The following GABRR1 variants were observed in gnomAD, a reference collection of about 807,000 sequenced individuals.
GABRR1 encodes gamma-aminobutyric acid receptor subunit rho-1.
In GABRR1, 59 loss-of-function variants were observed where a neutral mutation model predicts 55.5. The observed-to-expected ratio is 1.06, with a 90% CI of 0.86 to 1.32. GABRR1 has a LOEUF of 1.32. GABRR1 is among the 40% of genes most tolerant of loss of function. The pLI, the probability that GABRR1 is intolerant of heterozygous loss-of-function variation, is 0.00. For missense variants in GABRR1, 602 were observed against 619.1 expected, an observed-to-expected ratio of 0.97 and a Z score of 0.29; for synonymous variants, 213 against 226.0, an observed-to-expected ratio of 0.94 and a Z score of 0.51.
At chr6:89,224,128 C>T (rs777972460) in intron 1 of GABRR1, among the ~76,000 whole-genome samples, 18 of 151,718 alleles carry the variant, frequency 1.2e-4, no homozygotes, top group Non-Finnish European at 1.9e-4. Context: ...CTTACTCTGT[C>T]GCACAGGCTG....
chr6:89,201,501 C>T lies in GABRR1; in HGVS notation c.174-236G>A, dbSNP rs139556236. ...GCTTTAAAAATACTGATGCCTGGGC[C>T]GGGTGCGGTGGCTCACGCCTGCAAT... On this transcript the variant is annotated intron_variant, in intron 2 of 9. Transcript: ENST00000454853. Among the ~76,000 whole-genome samples, 1,164 of 152,282 alleles carry T rather than the reference C, an allele frequency of 7.6e-3. 5 individuals are homozygous for T. Among genetic ancestry groups the T allele is most frequent in the Non-Finnish European group, 9.0e-3 (615 of 68,022 alleles).
In GABRR1 at chr6:89,184,392, G is replaced by C. The variant is rs189860619; in HGVS notation, c.796+918C>G. ...GCTATTTAGCGCAGGCAAGCTCCCA[G>C]GAGAAAGGTCACAGAGCATGCCCCC... On this transcript the variant is annotated intron_variant, in intron 7 of 9. Transcript: ENST00000454853. Among the ~76,000 whole-genome samples, 154 of 149,360 alleles carry C rather than the reference G, an allele frequency of 1.0e-3. 1 individual carries two copies. Among genetic ancestry groups the C allele is most frequent in the African/African-American group, 3.8e-3 (153 of 40,568 alleles).
upstream of GABRR1, among the ~76,000 whole-genome samples, chr6:89,220,963 G>A (rs1431244378): frequency 1.3e-5 from 2 of 151,968 alleles, no homozygotes; most frequent in African/African-American, 2.4e-5. Flanking sequence ...CAGGTGATCC[G>A]CCTACCTCAG....
At chr6:89,230,925 C>T (rs541691937) in intron 1 of GABRR1, among the ~76,000 whole-genome samples, 9 of 151,122 alleles carry the variant, frequency 6.0e-5, no homozygotes, top group South Asian at 2.1e-4. Flanking sequence ...ATTCCATGGG[C>T]GTAGGACCCT....
intron 5 of GABRR1, among the ~76,000 whole-genome samples, chr6:89,193,370 G>A (rs1261756619): frequency 6.6e-6 from 1 of 151,946 alleles, no homozygotes; most frequent in Non-Finnish European, 1.5e-5. Context: ...CAAAGCGGTG[G>A]TCTTCAGAAA....
chr6:89,202,327 T>C (rs987599525), intron 2 of GABRR1, among the ~76,000 whole-genome samples: 3 of 152,146 alleles, frequency 2.0e-5, no homozygotes, highest in African/African-American at 7.2e-5. Flanking sequence ...AGTCTCACTG[T>C]GTCACCCAGG....
At chr6:89,213,574 A>G (rs1772892021) in intron 1 of GABRR1, among the ~76,000 whole-genome samples, 1 of 152,246 alleles carries the variant, frequency 6.6e-6, no homozygotes, top group Non-Finnish European at 1.5e-5. Context: ...TGTAATAACA[A>G]AGAGGAAGCA....
Position 89,198,070 on chromosome 6 carries a change from G to A in GABRR1, c.522C>T (p.Asp174=). The change falls in exon 5 of 10, where the codon GAC becomes GAT. Residue 174 remains aspartate (D), a synonymous_variant. Transcript: ENST00000454853. ...CAGGCTGGACCCGCAACATGACGTT[G>A]TCTGTGGTGGTGTCGTGGATGAAGG... ...KRSFIHDTTT[D]NVMLRVQPDG... is the part of the protein sequence containing the mutation. 1 of 1,614,144 alleles carries A rather than the reference G, an allele frequency of 6.2e-7. No individual in the cohort carries two copies. Among genetic ancestry groups the A allele is most frequent in the South Asian group, 1.1e-5 (1 of 91,078 alleles).
chr6:89,225,086 C>T (rs191257943), intron 1 of GABRR1, among the ~76,000 whole-genome samples: 2 of 152,226 alleles, frequency 1.3e-5, no homozygotes, highest in Admixed American at 1.3e-4. Flanking sequence ...CAGCCATCTT[C>T]TAGAATTTTT....
intron 3 of GABRR1, among the ~76,000 whole-genome samples, chr6:89,200,584 A>T (rs1438082900): frequency 2.7e-5 from 4 of 150,684 alleles, no homozygotes; most frequent in Non-Finnish European, 5.9e-5. Context: ...TAAAATGAGT[A>T]TTTTTTTTTC....
At chr6:89,184,374 A>G (rs1057450718) in intron 7 of GABRR1, among the ~76,000 whole-genome samples, 4 of 151,368 alleles carry the variant, frequency 2.6e-5, no homozygotes, top group Admixed American at 6.6e-5. Flanking sequence ...TCAGCTATTT[A>G]GCGCAGGCAA....
upstream of GABRR1, among the ~76,000 whole-genome samples, chr6:89,221,010 G>C (rs575047379): frequency 1.3e-5 from 2 of 152,160 alleles, no homozygotes; most frequent in Admixed American, 6.5e-5. Context: ...ATGAGCCACC[G>C]CGCCTGGCCA....
chr6:89,203,232 A>C (rs1582396372), intron 2 of GABRR1, among the ~76,000 whole-genome samples: 1 of 152,248 alleles, frequency 6.6e-6, no homozygotes, highest in East Asian at 1.9e-4. Flanking sequence ...TGCCGCGGAC[A>C]TCCTCTCTCA....
intron 1 of GABRR1, among the ~76,000 whole-genome samples, chr6:89,209,179 C>CT (rs1266709469): frequency 1.3e-5 from 2 of 151,524 alleles, no homozygotes; most frequent in Admixed American, 6.6e-5. Context: ...TAGATCATCC[C>CT]TTTTTTTTCC....
chr6:89,180,603 C>T, intron 8 of GABRR1, 115 bp from the exon 9 acceptor site: 4 of 1,254,306 alleles, frequency 3.2e-6, no homozygotes, highest in Non-Finnish European at 4.4e-6. Flanking sequence ...TGTCTCCATC[C>T]CTGCTCCACT....
chr6:89,210,631 G>A (rs1264148570), intron 1 of GABRR1, among the ~76,000 whole-genome samples: 1 of 152,156 alleles, frequency 6.6e-6, no homozygotes, highest in Non-Finnish European at 1.5e-5. Context: ...TGGGCACAGT[G>A]CCTGGAGTAT....
chr6:89,216,550 C>A (rs1320252290), intron 1 of GABRR1, among the ~76,000 whole-genome samples: 1 of 152,060 alleles, frequency 6.6e-6, no homozygotes, highest in Non-Finnish European at 1.5e-5. Flanking sequence ...CAGGTGAGGC[C>A]GAGTGCTAAG....
intron 5 of GABRR1, among the ~76,000 whole-genome samples, chr6:89,190,898 C>T (rs1213154413): frequency 6.6e-6 from 1 of 152,126 alleles, no homozygotes; most frequent in Non-Finnish European, 1.5e-5. Flanking sequence ...AAGAGGCTTC[C>T]GCATCAAAAG....
At position 89,178,003 on chromosome 6, in the gene GABRR1, T is replaced by A. The variant is rs1771595614; in HGVS notation, c.*767A>T. ...GGACATGCTCCAAGAAGAAGAAACA[T>A]GAAGTGGTGATTATATAAAATAGGG... is the stretch of plus-strand genomic sequence containing the variant. On this transcript the variant is annotated 3_prime_UTR_variant, in exon 10 of 10. Coordinates refer to ENST00000454853, the MANE Select transcript of GABRR1 (RefSeq NM_002042.5). 6.6e-6 allele frequency: 1 copy of A among 152,084 alleles called. No homozygotes were observed. Among genetic ancestry groups the A allele is most frequent in the South Asian group, 2.1e-4 (1 of 4,820 alleles). 9.4% of individuals were successfully genotyped at this position (152,084 alleles called of 1,614,324 possible).
Sources: allele counts gnomAD v4.1 joint callset (sites outside exome capture counted in the v4.1 genomes callset), GRCh38; gene constraint gnomAD v4.1.1; transcripts MANE v1.5; gene names NCBI Gene and HGNC (gene_info 2026-07-23, HGNC 2026-07-21).